Variants in GRIK3 observed in about 807,000 individuals in gnomAD.
The protein encoded by GRIK3 is glutamate ionotropic receptor kainate type subunit 3, also known as glutamate receptor ionotropic, kainate 3.
Under a neutral mutation model 102.5 loss-of-function variants are expected in GRIK3, and 29 were observed. The observed-to-expected ratio is 0.28, with a 90% CI of 0.21 to 0.39. The LOEUF is 0.39. GRIK3 is among the 10% of genes least tolerant of loss of function. GRIK3 has a pLI of 1.00. For synonymous variants in GRIK3, 511 were observed against 504.9 expected, an observed-to-expected ratio of 1.01 and a Z score of -0.16; for missense variants, 908 against 1,252.4, an observed-to-expected ratio of 0.73 and a Z score of 4.15.
chr1:36,883,125 C>A (rs1641001088), intron 2 of GRIK3, among the ~76,000 whole-genome samples: 1 of 152,204 alleles, frequency 6.6e-6, no homozygotes, highest in Admixed American at 6.5e-5. Context: ...ACAGGCCTAC[C>A]CCTAAGATTT....
intron 1 of GRIK3, among the ~76,000 whole-genome samples, chr1:37,025,118 G>A (rs367777376): frequency 6.6e-6 from 1 of 152,268 alleles, no homozygotes; most frequent in East Asian, 1.9e-4. Context: ...ACACATGTTA[G>A]CTTTTTAGAG....
chr1:36,829,081 T>G (rs1642785832), intron 10 of GRIK3, among the ~76,000 whole-genome samples: 1 of 152,260 alleles, frequency 6.6e-6, no homozygotes, highest in Non-Finnish European at 1.5e-5. Context: ...TGGATCTGTG[T>G]TCTCCCTTGG....
intron 1 of GRIK3, among the ~76,000 whole-genome samples, chr1:36,949,574 CTTTTT>C (rs60157852): frequency 1.4e-4 from 14 of 99,680 alleles, no homozygotes; most frequent in African/African-American, 5.1e-4. Flanking sequence ...CTCTCTCTTT[CTTTTT>C]TTTTTTTTTT....
chr1:36,868,049 G>A (rs935973977), intron 5 of GRIK3, among the ~76,000 whole-genome samples: 2 of 152,116 alleles, frequency 1.3e-5, no homozygotes, highest in African/African-American at 4.8e-5. Flanking sequence ...GGTCAAGATC[G>A]AAGGTCTTAA....
At chr1:36,981,738 G>A (rs1642249983) in intron 1 of GRIK3, among the ~76,000 whole-genome samples, 1 of 152,144 alleles carries the variant, frequency 6.6e-6, no homozygotes, top group African/African-American at 2.4e-5. Context: ...ATCCATCCCA[G>A]GAGGCTATAT....
chr1:36,845,091 C>T (rs1367218269), intron 9 of GRIK3, among the ~76,000 whole-genome samples: 3 of 152,196 alleles, frequency 2.0e-5, no homozygotes, highest in Non-Finnish European at 2.9e-5. Context: ...ATTTAACAGC[C>T]AAAGCCCAGA....
At position 36,839,220 on chromosome 1, in the gene GRIK3, T is replaced by C. The variant is rs547857914; in HGVS notation, c.1530+2516A>G. Among the ~76,000 whole-genome samples, 21 of 152,268 alleles carry C rather than the reference T, an allele frequency of 1.4e-4. No homozygotes were observed. In the East Asian group the frequency reaches 3.9e-3, roughly 28 times the overall value. On this transcript the variant is annotated intron_variant, in intron 10 of 15. Coordinates refer to ENST00000373091, the MANE Select transcript of GRIK3 (RefSeq NM_000831.4). ...CTCTGCAAATGACAGCCTCAGAGCC[T>C]ACCCAGAGCCCCAGACTCCAAGCCC...
intron 1 of GRIK3, among the ~76,000 whole-genome samples, chr1:36,962,604 G>A (rs1642023957): frequency 6.6e-6 from 1 of 150,756 alleles, no homozygotes; most frequent in Admixed American, 6.6e-5. Flanking sequence ...TGGCTGAAGT[G>A]GTTAGCGGTG....
rs746809134 is a variant in GRIK3, at chr1:36,806,270, C to G, written c.2148G>C (p.Ser716=). The change falls in exon 14 of 16, where the codon TCG becomes TCC. Residue 716 remains serine, a synonymous_variant. Transcript: ENST00000373091. This position sits in a 1 kb window ranked among gnomAD's most constrained non-coding sequence, Gnocchi z 4.0. ...CCTCCTCGTTGTTCTTCACCAGCGC[C>G]GATGGCTTGCTGCTCATGAAGGCCC... The part of the protein sequence containing the change: ...KMWAFMSSKP[S]ALVKNNEEGI... 3 of 1,614,044 alleles carry G rather than the reference C, an allele frequency of 1.9e-6. No homozygotes were observed. The highest frequency in any genetic ancestry group is 2.5e-6 in the Non-Finnish European group (3 of 1,180,016).
intron 10 of GRIK3, among the ~76,000 whole-genome samples, chr1:36,832,695 C>A (rs140581253): frequency 8.8e-4 from 134 of 152,350 alleles, no homozygotes; most frequent in African/African-American, 3.2e-3. Context: ...GCCCAGCAAG[C>A]TCCATCCCTA....
intron 1 of GRIK3, among the ~76,000 whole-genome samples, chr1:36,941,487 G>C (rs1176547721): frequency 2.0e-5 from 3 of 152,170 alleles, no homozygotes; most frequent in Admixed American, 2.0e-4. Context: ...GGACAGGAGA[G>C]TGGGGACAGC....
intron 1 of GRIK3, among the ~76,000 whole-genome samples, chr1:36,894,644 G>A (rs1339510450): frequency 1.3e-5 from 2 of 152,174 alleles, no homozygotes; most frequent in Non-Finnish European, 2.9e-5. Context: ...AATTAATGGA[G>A]CAGAAACCTC....
At chr1:36,834,616 G>A (rs941130378) in intron 10 of GRIK3, among the ~76,000 whole-genome samples, 2 of 152,154 alleles carry the variant, frequency 1.3e-5, no homozygotes, top group Admixed American at 1.3e-4. Context: ...AGAACTGCCT[G>A]GTTCCTGAGT....
chr1:36,803,195 C>G (rs923711793), intron 15 of GRIK3, among the ~76,000 whole-genome samples: 2 of 152,066 alleles, frequency 1.3e-5, no homozygotes, highest in Non-Finnish European at 2.9e-5. Context: ...AACATTGGAA[C>G]TGAAACAAGA....
At chr1:36,824,730 G>A (rs1335177600) in intron 11 of GRIK3, among the ~76,000 whole-genome samples, 1 of 152,184 alleles carries the variant, frequency 6.6e-6, no homozygotes, top group Non-Finnish European at 1.5e-5. Flanking sequence ...GGCTCCGCTG[G>A]AAAGGGGTGG....
chr1:36,973,416 CTTTT>C, intron 1 of GRIK3, among the ~76,000 whole-genome samples: 1 of 114,950 alleles, frequency 8.7e-6, no homozygotes, highest in African/African-American at 3.8e-5. Context: ...CTTCTTTTTC[CTTTT>C]TTTTTTTTTT....
intron 8 of GRIK3, among the ~76,000 whole-genome samples, chr1:36,851,729 C>T (rs1349367385): frequency 1.3e-5 from 2 of 152,258 alleles, no homozygotes. Context: ...GTGCCTCTGG[C>T]AGGCTAACCT....
chr1:36,988,138 A>G (rs1473630065), intron 1 of GRIK3, among the ~76,000 whole-genome samples: 1 of 152,138 alleles, frequency 6.6e-6, no homozygotes, highest in Non-Finnish European at 1.5e-5. Context: ...CAAAAACACA[A>G]AAATCAGCTG....
chr1:36,933,723 A>G (rs558236829), intron 1 of GRIK3, among the ~76,000 whole-genome samples: 1 of 152,320 alleles, frequency 6.6e-6, no homozygotes, highest in Admixed American at 6.5e-5. Flanking sequence ...GTTCAAGGAC[A>G]GCAGCAAGGT....
Sources: allele counts gnomAD v4.1 joint callset (sites outside exome capture counted in the v4.1 genomes callset), GRCh38; gene constraint gnomAD v4.1.1; non-coding constraint Gnocchi (gnomAD v3.1); transcripts MANE v1.5; gene names NCBI Gene and HGNC (gene_info 2026-07-23, HGNC 2026-07-21).